CTNNA3: variants seen among roughly 807,000 people sequenced by gnomAD.
CTNNA3 encodes catenin alpha 3.
In CTNNA3, 76 loss-of-function variants were observed where a neutral mutation model predicts 95.7. That is an observed-to-expected ratio of 0.79 (90% CI 0.66 to 0.96). The LOEUF is 0.96. Among genes scored for constraint, CTNNA3 ranks in the 40% least tolerant of loss-of-function variants. The probability of loss-of-function intolerance (pLI) is 0.00; values close to 1 mark genes in which losing one functional copy is unlikely to be tolerated. For missense variants in CTNNA3, 1,191 were observed against 1,089.8 expected, an observed-to-expected ratio of 1.09 and a Z score of -1.31; for synonymous variants, 431 against 374.4, an observed-to-expected ratio of 1.15 and a Z score of -1.74.
intron 5 of CTNNA3, among the ~76,000 whole-genome samples, chr10:67,499,024 G>A (rs145868023): frequency 0.056 from 8,513 of 152,160 alleles, 641 homozygotes; most frequent in East Asian, 0.34. Flanking sequence ...GTTTTCAAAG[G>A]GAATGCTTCC....
At chr10:67,126,204 G>A (rs1361178804) in intron 7 of CTNNA3, among the ~76,000 whole-genome samples, 1 of 152,172 alleles carries the variant, frequency 6.6e-6, no homozygotes, top group Admixed American at 6.5e-5. Flanking sequence ...CAGAATGATA[G>A]ACAAACAAGA....
intron 7 of CTNNA3, among the ~76,000 whole-genome samples, chr10:67,096,867 T>G (rs10740269): frequency 0.56 from 84,211 of 151,670 alleles, 24,740 homozygotes; most frequent in African/African-American, 0.76. Context: ...TCCTGGGAAT[T>G]CTCTATGCTC....
intron 13 of CTNNA3, among the ~76,000 whole-genome samples, chr10:66,243,027 C>G (rs1240064711): frequency 6.6e-6 from 1 of 152,108 alleles, no homozygotes; most frequent in Non-Finnish European, 1.5e-5. Context: ...ATGTGAAAAA[C>G]TAGTTCAGGC....
intron 3 of CTNNA3, among the ~76,000 whole-genome samples, chr10:67,567,306 G>A (rs77090077): frequency 0.012 from 1,741 of 151,294 alleles, 38 homozygotes; most frequent in African/African-American, 0.039. Flanking sequence ...GGATAGAACT[G>A]GGTATCATTA....
chr10:67,261,753 T>C (rs1472025415), intron 5 of CTNNA3, among the ~76,000 whole-genome samples: 1 of 152,120 alleles, frequency 6.6e-6, no homozygotes, highest in Non-Finnish European at 1.5e-5. Context: ...CTCAAAACTA[T>C]AGTAGTCAGG....
chr10:66,448,401 A>C (rs1224416846), intron 11 of CTNNA3, among the ~76,000 whole-genome samples: 1 of 152,308 alleles, frequency 6.6e-6, no homozygotes, highest in East Asian at 1.9e-4. Context: ...GGCACTATTC[A>C]CAATAGCAAA....
intron 9 of CTNNA3, among the ~76,000 whole-genome samples, chr10:66,718,617 T>TTATAA (rs71466892): frequency 0.023 from 3,438 of 149,322 alleles, 170 homozygotes; most frequent in East Asian, 0.22. Context: ...AACTGTAATA[T>TTATAA]TATAATTAAA....
chr10:66,167,172 G>A (rs907462764), intron 13 of CTNNA3, among the ~76,000 whole-genome samples: 1 of 152,146 alleles, frequency 6.6e-6, no homozygotes, highest in African/African-American at 2.4e-5. Flanking sequence ...ACACTGTGCT[G>A]TATGTAAAAA....
chr10:66,818,683 T>G (rs761239944), intron 7 of CTNNA3, among the ~76,000 whole-genome samples: 5 of 152,064 alleles, frequency 3.3e-5, no homozygotes, highest in Non-Finnish European at 7.4e-5. Context: ...TCCAAATTGG[T>G]CACAAATTTA....
intron 5 of CTNNA3, among the ~76,000 whole-genome samples, chr10:67,342,049 G>A (rs187809287): frequency 7.2e-5 from 10 of 138,876 alleles, no homozygotes; most frequent in South Asian, 2.3e-4. Flanking sequence ...CTTTTGATTC[G>A]TAGTTTCCCA....
chr10:66,389,512 T>G (rs748338236), intron 11 of CTNNA3, among the ~76,000 whole-genome samples: 15 of 152,098 alleles, frequency 9.9e-5, no homozygotes, highest in African/African-American at 3.6e-4. Flanking sequence ...CATCTTGAGA[T>G]GCAAAGGGTG....
chr10:66,480,612 T>A, intron 11 of CTNNA3, among the ~76,000 whole-genome samples: 1 of 148,182 alleles, frequency 6.7e-6, no homozygotes, highest in Non-Finnish European at 1.5e-5. Flanking sequence ...TATTTATTTA[T>A]TTTTTTTTTT....
rs545840578 is a variant in CTNNA3, at chr10:66,673,190, A to G, written c.1282-51406T>C. Reference sequence around the variant, plus strand: ...AACAAATAGCATGAAAAATATTTGAAAACAGAATTTATCACCATTTAGCAC... The same window carrying G: ...AACAAATAGCATGAAAAATATTTGAGAACAGAATTTATCACCATTTAGCAC... On this transcript the variant is annotated intron_variant, in intron 9 of 17. Transcript: ENST00000433211. Among the ~76,000 whole-genome samples the G allele has an allele frequency of 2.0e-4, 30 of 152,234 alleles. 1 individual carries two copies. In the South Asian group the frequency reaches 6.2e-3, roughly 32 times the overall value.
intron 7 of CTNNA3, among the ~76,000 whole-genome samples, chr10:67,061,549 G>T (rs1925589): frequency 0.64 from 97,424 of 151,944 alleles, 32,759 homozygotes; most frequent in African/African-American, 0.86. Context: ...TCCCTTAACA[G>T]GCATATCAAA....
chr10:66,060,265 C>T (rs1349227595), intron 15 of CTNNA3, among the ~76,000 whole-genome samples: 1 of 151,864 alleles, frequency 6.6e-6, no homozygotes, highest in Admixed American at 6.6e-5. Context: ...GAGCAAAAAA[C>T]GGGGCCATAA....
chr10:66,017,381 C>T (rs1295298434), intron 15 of CTNNA3, among the ~76,000 whole-genome samples: 1 of 151,976 alleles, frequency 6.6e-6, no homozygotes, highest in Middle Eastern at 3.2e-3. Context: ...AAGTAAAGAC[C>T]TAGATAGTCA....
chr10:67,498,718 T>C (rs1223532748), intron 5 of CTNNA3, among the ~76,000 whole-genome samples: 2 of 152,312 alleles, frequency 1.3e-5, no homozygotes, highest in East Asian at 3.9e-4. Flanking sequence ...AGTTCACTCA[T>C]GATTTGGGTC....
At chr10:67,503,184 C>T (rs559965147) in intron 5 of CTNNA3, among the ~76,000 whole-genome samples, 1 of 152,352 alleles carries the variant, frequency 6.6e-6, no homozygotes, top group East Asian at 1.9e-4. Flanking sequence ...CCGTTCCTCA[C>T]AGCACAGTCC....
intron 6 of CTNNA3, among the ~76,000 whole-genome samples, chr10:67,192,291 A>T (rs10997563): frequency 0.1 from 15,160 of 151,960 alleles, 1,284 homozygotes; most frequent in African/African-American, 0.23. Flanking sequence ...CAAAGCAAAC[A>T]ACCAAAAACA....
Sources: gnomAD v4.1 joint callset for allele counts (sites outside exome capture counted in the v4.1 genomes callset) on GRCh38, gnomAD v4.1.1 for gene constraint, MANE v1.5 for transcripts, NCBI Gene and HGNC (gene_info 2026-07-23, HGNC 2026-07-21) for gene names.